Variants in GABRA2 observed in about 807,000 individuals in gnomAD.
GABRA2 encodes the protein gamma-aminobutyric acid type A receptor subunit alpha2.
A neutral mutation model predicts 48.7 loss-of-function variants in GABRA2; 16 were observed. That is an observed-to-expected ratio of 0.33 (90% CI 0.22 to 0.50). GABRA2 has a LOEUF of 0.50. Ranked by LOEUF, GABRA2 falls within the 20% of genes least tolerant of loss-of-function variation. GABRA2 has a pLI of 0.98. For missense variants in GABRA2, 275 were observed against 535.6 expected, an observed-to-expected ratio of 0.51 and a Z score of 4.80; for synonymous variants, 185 against 184.5, an observed-to-expected ratio of 1.00 and a Z score of -0.02.
intron 3 of GABRA2, among the ~76,000 whole-genome samples, chr4:46,383,745 G>T (rs1212331851): frequency 6.6e-6 from 1 of 152,156 alleles, no homozygotes; most frequent in East Asian, 1.9e-4. Flanking sequence ...AAGATGATTT[G>T]CATAGGAAAG....
At chr4:46,364,702 C>T (rs189730459) in intron 3 of GABRA2, 1 of 152,120 alleles carries the variant, frequency 6.6e-6, no homozygotes. Context: ...AATGAAGAAT[C>T]TCCCTCATGT....
intron 3 of GABRA2, among the ~76,000 whole-genome samples, chr4:46,335,598 C>T (rs1209705489): frequency 6.6e-6 from 1 of 152,104 alleles, no homozygotes; most frequent in Admixed American, 6.6e-5. Flanking sequence ...CTCAGCCTCC[C>T]AAGTAACTGG....
intron 6 of GABRA2, among the ~76,000 whole-genome samples, chr4:46,307,440 G>GTTT (rs34790075): frequency 6.9e-6 from 1 of 144,564 alleles, no homozygotes; most frequent in African/African-American, 2.5e-5. Flanking sequence ...AAATTATGAA[G>GTTT]TTTTTTTTTT....
chr4:46,266,718 CT>C (rs35380341), intron 8 of GABRA2, among the ~76,000 whole-genome samples: 135 of 92,830 alleles, frequency 1.5e-3, no homozygotes, highest in African/African-American at 2.5e-3. Flanking sequence ...CAAATATTCT[CT>C]TTTTTTTTTT....
intron 3 of GABRA2, among the ~76,000 whole-genome samples, chr4:46,373,077 G>C (rs1055570626): frequency 1.3e-5 from 2 of 152,188 alleles, no homozygotes; most frequent in Non-Finnish European, 2.9e-5. Flanking sequence ...ATCTGAGGCT[G>C]AGATGACTGT....
At chr4:46,380,580 A>G (rs1212502706) in intron 3 of GABRA2, among the ~76,000 whole-genome samples, 2 of 152,234 alleles carry the variant, frequency 1.3e-5, no homozygotes, top group Non-Finnish European at 2.9e-5. Flanking sequence ...ATAAGCCCTC[A>G]ACAAACCAAT....
At chr4:46,357,214 A>G (rs1736132960) in intron 3 of GABRA2, among the ~76,000 whole-genome samples, 1 of 151,666 alleles carries the variant, frequency 6.6e-6, no homozygotes, top group South Asian at 2.1e-4. Flanking sequence ...CCTGACTATG[A>G]CCATACATCT....
intron 8 of GABRA2, among the ~76,000 whole-genome samples, chr4:46,269,908 T>C (rs1560455337): frequency 6.6e-6 from 1 of 151,966 alleles, no homozygotes; most frequent in South Asian, 2.1e-4. Context: ...ACAATTTTAA[T>C]TTAAAGCAGG....
At chr4:46,352,596 A>G (rs964283995) in intron 3 of GABRA2, among the ~76,000 whole-genome samples, 6 of 152,082 alleles carry the variant, frequency 3.9e-5, no homozygotes, top group Non-Finnish European at 7.4e-5. Context: ...ATATCAACAC[A>G]TAAAGAGAAT....
chr4:46,374,106 TTC>T (rs1454399399), intron 3 of GABRA2, among the ~76,000 whole-genome samples: 1 of 152,152 alleles, frequency 6.6e-6, no homozygotes, highest in African/African-American at 2.4e-5. Flanking sequence ...TTTACCCTGA[TTC>T]TCTGACTATT....
At chr4:46,284,358 G>A (rs993424561) in intron 8 of GABRA2, among the ~76,000 whole-genome samples, 33 of 152,088 alleles carry the variant, frequency 2.2e-4, no homozygotes, top group African/African-American at 7.7e-4. Context: ...AACACCTAAG[G>A]TAAAAGTTTT....
At chr4:46,285,682 A>T (rs1379461962) in intron 8 of GABRA2, among the ~76,000 whole-genome samples, 4 of 151,820 alleles carry the variant, frequency 2.6e-5, no homozygotes, top group African/African-American at 9.7e-5. Flanking sequence ...GGTCCTGTTT[A>T]TTTCCTCTCT....
rs1486231503 is a variant in GABRA2 at position 46,247,355 on chromosome 4, T to G, written c.*2953A>C. On this transcript the variant is annotated 3_prime_UTR_variant, in exon 10 of 10. Coordinates refer to ENST00000381620, the MANE Select transcript of GABRA2 (RefSeq NM_000807.4). Reference sequence around the variant, plus strand: ...AAAGAACTCCCAGTACTAAATTAATTTACATGTTTTATATAGTCTTTAATT... The same window carrying G: ...AAAGAACTCCCAGTACTAAATTAATGTACATGTTTTATATAGTCTTTAATT... Among the ~76,000 whole-genome samples the G allele has an allele frequency of 6.6e-6, 1 of 151,156 alleles. No individual in the cohort carries two copies. Among genetic ancestry groups the G allele is most frequent in the Admixed American group, 6.6e-5 (1 of 15,112 alleles).
chr4:46,389,404 C>G lies in GABRA2; in HGVS notation c.-11+331G>C, dbSNP rs114910294. 2.7e-3 allele frequency: 2,615 copies of G among 985,374 alleles called. 55 individuals carry two copies. The African/African-American group carries it at 0.042, about 16-fold the overall frequency. 61.0% of individuals were successfully genotyped at this position (985,374 alleles called of 1,614,324 possible). On this transcript the variant is annotated intron_variant, in intron 1 of 9. Transcript: ENST00000381620. ...TGACAGCTGCTCTGGAGCCGAGGAT[C>G]ACAATAAGAGAAGGCGCGTGAGGCT...
At chr4:46,357,666 C>CTTTT (rs530230630) in intron 3 of GABRA2, among the ~76,000 whole-genome samples, 8 of 133,080 alleles carry the variant, frequency 6.0e-5, no homozygotes, top group African/African-American at 8.5e-5. Flanking sequence ...TATTTTCTTT[C>CTTTT]TTTTTTTTTT....
chr4:46,298,228 C>T (rs74804677), intron 8 of GABRA2, among the ~76,000 whole-genome samples: 2,373 of 152,080 alleles, frequency 0.016, 65 homozygotes, highest in African/African-American at 0.054. Context: ...TGTAATTATT[C>T]TTCTTTCACT....
intron 8 of GABRA2, among the ~76,000 whole-genome samples, chr4:46,282,024 T>C (rs1242934525): frequency 6.6e-6 from 1 of 152,146 alleles, no homozygotes; most frequent in Non-Finnish European, 1.5e-5. Context: ...TATGTCGGCA[T>C]AGGAGCTTGG....
At chr4:46,267,556 G>T (rs1289626387) in intron 8 of GABRA2, among the ~76,000 whole-genome samples, 1 of 151,866 alleles carries the variant, frequency 6.6e-6, no homozygotes, top group Non-Finnish European at 1.5e-5. Flanking sequence ...TGGACATTAG[G>T]AATACTGTAA....
intron 8 of GABRA2, among the ~76,000 whole-genome samples, chr4:46,296,656 G>GAAAA (rs981486686): frequency 6.6e-5 from 9 of 136,594 alleles, no homozygotes; most frequent in East Asian, 2.2e-4. Context: ...CTATCAGGGG[G>GAAAA]AAAAAAAAAA....
Sources: allele counts gnomAD v4.1 joint callset (sites outside exome capture counted in the v4.1 genomes callset), GRCh38; gene constraint gnomAD v4.1.1; transcripts MANE v1.5; gene names NCBI Gene and HGNC (gene_info 2026-07-23, HGNC 2026-07-21).